The following UPF2 variants were observed in gnomAD, a reference collection of about 807,000 sequenced individuals.
The protein encoded by UPF2 is UPF2 regulator of nonsense mediated mRNA decay.
UPF2 carries 17 observed loss-of-function variants against 141.4 expected under a neutral mutation model. The observed-to-expected ratio is 0.12, with a 90% CI of 0.08 to 0.18. UPF2 has a LOEUF of 0.18. Among genes scored for constraint, UPF2 ranks in the 10% least tolerant of loss-of-function variants. The probability of loss-of-function intolerance (pLI) is 1.00; values close to 1 mark genes in which losing one functional copy is unlikely to be tolerated. For synonymous variants in UPF2, 540 were observed against 498.0 expected, an observed-to-expected ratio of 1.08 and a Z score of -1.12; for missense variants, 1,152 against 1,515.9, an observed-to-expected ratio of 0.76 and a Z score of 3.99.
intron 18 of UPF2, among the ~76,000 whole-genome samples, chr10:11,937,127 G>A (rs1397635037): frequency 6.6e-6 from 1 of 152,218 alleles, no homozygotes; most frequent in Non-Finnish European, 1.5e-5. Flanking sequence ...TCCCCAGCAG[G>A]GCGTTACCCA....
At chr10:11,949,412 A>G (rs1256790146) in intron 15 of UPF2, among the ~76,000 whole-genome samples, 1 of 152,228 alleles carries the variant, frequency 6.6e-6, no homozygotes, top group Non-Finnish European at 1.5e-5. Context: ...TACTTCCTGC[A>G]TGAACTGTCA....
At chr10:12,000,998 A>G (rs1267842324) in intron 6 of UPF2, among the ~76,000 whole-genome samples, 1 of 152,230 alleles carries the variant, frequency 6.6e-6, no homozygotes, top group Non-Finnish European at 1.5e-5. Context: ...TTTCAAATAC[A>G]TTTATGTTGT....
chr10:11,974,104 G>T (rs370653164), intron 9 of UPF2, among the ~76,000 whole-genome samples: 4 of 152,068 alleles, frequency 2.6e-5, no homozygotes, highest in Non-Finnish European at 5.9e-5. Flanking sequence ...TACATCCCTT[G>T]TAAGTTGGAT....
At chr10:11,981,858 G>A (rs1833601281) in intron 8 of UPF2, among the ~76,000 whole-genome samples, 1 of 152,130 alleles carries the variant, frequency 6.6e-6, no homozygotes, top group African/African-American at 2.4e-5. Flanking sequence ...GCTAATTTTT[G>A]TATTTTTAGC....
intron 9 of UPF2, among the ~76,000 whole-genome samples, chr10:11,968,900 G>A (rs1436634237): frequency 1.3e-5 from 2 of 152,188 alleles, no homozygotes; most frequent in African/African-American, 2.4e-5. Context: ...TCACTCTGTC[G>A]CCCAGGCTGG....
At chr10:11,944,463 C>T (rs528280956) in intron 16 of UPF2, among the ~76,000 whole-genome samples, 4 of 152,242 alleles carry the variant, frequency 2.6e-5, no homozygotes, top group African/African-American at 9.6e-5. Context: ...CACTGCACTC[C>T]GGCCTGGGTG....
At chr10:11,966,914 G>C (rs1833330857) in intron 10 of UPF2, among the ~76,000 whole-genome samples, 1 of 152,192 alleles carries the variant, frequency 6.6e-6, no homozygotes, top group Non-Finnish European at 1.5e-5. Context: ...GACAGAGTAA[G>C]ATAACTACCA....
At chr10:12,020,658 C>A (rs1027209296) in intron 3 of UPF2, among the ~76,000 whole-genome samples, 7 of 152,152 alleles carry the variant, frequency 4.6e-5, no homozygotes, top group African/African-American at 1.7e-4. Flanking sequence ...TTACAATGTG[C>A]CAGACACTGT....
At chr10:11,938,866 T>TTGTTTG (rs1554774698) in intron 18 of UPF2, among the ~76,000 whole-genome samples, 6 of 88,652 alleles carry the variant, frequency 6.8e-5, no homozygotes, top group African/African-American at 2.2e-4. Flanking sequence ...TTTTTTTTTT[T>TTGTTTG]TTTTTTTTTT....
intron 15 of UPF2, among the ~76,000 whole-genome samples, chr10:11,951,211 C>A (rs373131593): frequency 6.6e-6 from 1 of 151,942 alleles, no homozygotes; most frequent in African/African-American, 2.4e-5. Context: ...TACAGGTGTG[C>A]GCCAACATTC....
At chr10:11,981,392 C>CA (rs1004765829) in intron 8 of UPF2, among the ~76,000 whole-genome samples, 2 of 152,184 alleles carry the variant, frequency 1.3e-5, no homozygotes, top group African/African-American at 4.8e-5. Flanking sequence ...GTGGATATTA[C>CA]ACTCACCATT....
At position 11,953,607 on chromosome 10, in the gene UPF2, G is replaced by A. The variant is rs1413277380; in HGVS notation, c.2851-1358C>T. 6.6e-6 allele frequency among the ~76,000 whole-genome samples: 1 copy of A among 152,220 alleles called. No individual in the cohort carries two copies. Among genetic ancestry groups the A allele is most frequent in the Non-Finnish European group, 1.5e-5 (1 of 68,040 alleles). ...TTTTCTCTCAGCCTAAGATGTCAGA[G>A]TGAATCGAAAGGATTCTCTTCTGAG... On this transcript the variant is annotated intron_variant, in intron 14 of 21. Transcript: ENST00000357604. The surrounding 1 kb of genome is among the most constrained non-coding windows in gnomAD (Gnocchi z 5.0).
chr10:11,934,391 C>T (rs1303886534), intron 19 of UPF2, among the ~76,000 whole-genome samples: 1 of 152,128 alleles, frequency 6.6e-6, no homozygotes, highest in East Asian at 1.9e-4. Context: ...CAGAGCCCAA[C>T]CCTGGTCGAA....
At chr10:12,015,181 A>G (rs1045233971) in intron 3 of UPF2, among the ~76,000 whole-genome samples, 3 of 152,196 alleles carry the variant, frequency 2.0e-5, no homozygotes, top group African/African-American at 7.2e-5. Flanking sequence ...TATAAAAGTT[A>G]TTTTTACAAG....
At chr10:12,024,984 G>A (rs1468439597) in intron 3 of UPF2, among the ~76,000 whole-genome samples, 1 of 149,986 alleles carries the variant, frequency 6.7e-6, no homozygotes, top group Non-Finnish European at 1.5e-5. Flanking sequence ...TGACTGGGAG[G>A]GACAAAATGA....
intron 15 of UPF2, among the ~76,000 whole-genome samples, chr10:11,948,859 T>C (rs1588532575): frequency 6.6e-6 from 1 of 152,172 alleles, no homozygotes; most frequent in African/African-American, 2.4e-5. Flanking sequence ...CAGCCATATG[T>C]AAGATACAGC....
chr10:12,033,633 G>A (rs1295911), intron 2 of UPF2, among the ~76,000 whole-genome samples: 126,691 of 152,152 alleles, frequency 0.83, 53,026 homozygotes, highest in Non-Finnish European at 0.88. Flanking sequence ...AATAAAATGA[G>A]GCTTAAAAAG....
chr10:12,007,753 C>A (rs920038775), intron 4 of UPF2, among the ~76,000 whole-genome samples: 2 of 151,400 alleles, frequency 1.3e-5, no homozygotes, highest in Non-Finnish European at 2.9e-5. Flanking sequence ...ATGGTGTGAA[C>A]CCGGGGAGCA....
chr10:12,023,856 G>A (rs1003596707), intron 3 of UPF2, among the ~76,000 whole-genome samples: 5 of 151,868 alleles, frequency 3.3e-5, no homozygotes, highest in African/African-American at 1.2e-4. Context: ...GACAAGTGTG[G>A]TGGCACGTGC....
Sources: allele counts gnomAD v4.1 joint callset (sites outside exome capture counted in the v4.1 genomes callset), GRCh38; gene constraint gnomAD v4.1.1; non-coding constraint Gnocchi (gnomAD v3.1); transcripts MANE v1.5; gene names NCBI Gene and HGNC (gene_info 2026-07-23, HGNC 2026-07-21).